Variants in LINGO2 observed in about 807,000 individuals in gnomAD.
The protein encoded by LINGO2 is leucine rich repeat and Ig domain containing 2.
In LINGO2, 14 loss-of-function variants were observed where a neutral mutation model predicts 30.6. The ratio of observed to expected loss-of-function variants is 0.46; its 90% CI spans 0.30 to 0.72. The LOEUF is 0.72. Among genes scored for constraint, LINGO2 ranks in the 30% least tolerant of loss-of-function variants. LINGO2 has a pLI of 0.07. For synonymous variants in LINGO2, 317 were observed against 288.5 expected, an observed-to-expected ratio of 1.10 and a Z score of -1.00; for missense variants, 729 against 751.7, an observed-to-expected ratio of 0.97 and a Z score of 0.35.
At chr9:28,463,893 C>T (rs111519930) in intron 2 of LINGO2, among the ~76,000 whole-genome samples, 24 of 152,172 alleles carry the variant, frequency 1.6e-4, no homozygotes, top group African/African-American at 5.8e-4. Context: ...CTCCCTGTCA[C>T]AATAAAGATA....
At chr9:28,853,844 G>C in the LINGO2 span, among the ~76,000 whole-genome samples, 11 of 151,790 alleles carry the variant, frequency 7.2e-5, no homozygotes, top group African/African-American at 2.4e-4. Context: ...GGATTATGGG[G>C]ATTATAATTC....
intron 4 of LINGO2, among the ~76,000 whole-genome samples, chr9:28,163,252 A>G (rs957737804): frequency 6.6e-6 from 1 of 152,128 alleles, no homozygotes; most frequent in African/African-American, 2.4e-5. Flanking sequence ...GCATTGAAAG[A>G]AGGTATCAAT....
At chr9:29,176,562 A>C in the LINGO2 span, among the ~76,000 whole-genome samples, 2 of 152,328 alleles carry the variant, frequency 1.3e-5, no homozygotes, top group East Asian at 3.9e-4. Context: ...TATTATGCAA[A>C]CTGTGCTTAA....
intron 5 of LINGO2, among the ~76,000 whole-genome samples, chr9:27,956,547 T>C (rs1819578891): frequency 6.6e-6 from 1 of 152,210 alleles, no homozygotes; most frequent in Non-Finnish European, 1.5e-5. Context: ...AGTTTTAAAA[T>C]TTAAATCCAT....
chr9:28,515,567 C>T (rs1039082559), intron 1 of LINGO2, among the ~76,000 whole-genome samples: 9 of 152,062 alleles, frequency 5.9e-5, no homozygotes, highest in East Asian at 3.9e-4. Context: ...TAACTGCAGA[C>T]GTAGTGGAAA....
At chr9:28,040,561 A>G (rs1392340029) in intron 4 of LINGO2, among the ~76,000 whole-genome samples, 2 of 150,614 alleles carry the variant, frequency 1.3e-5, no homozygotes, top group Non-Finnish European at 2.9e-5. Flanking sequence ...ATGTCATAAT[A>G]GAGATTTATA....
rs148126319 is a variant in LINGO2, at chr9:28,010,705, C to T, written c.-36+1650G>A. Among the ~76,000 whole-genome samples, 115 of 152,318 alleles carry T rather than the reference C, an allele frequency of 7.5e-4. No individual in the cohort carries two copies. In the East Asian group the frequency reaches 0.015, roughly 20 times the overall value. ...GGCTGGCTTACGCCTATAATCTCAG[C>T]ACTTTGGGAGGCAGAGATGGGAGGA... On this transcript the variant is annotated intron_variant, in intron 5 of 5. Transcript: ENST00000379992.
At chr9:29,100,973 G>GA in the LINGO2 span, among the ~76,000 whole-genome samples, 1 of 152,152 alleles carries the variant, frequency 6.6e-6, no homozygotes, top group African/African-American at 2.4e-5. Flanking sequence ...GTACTAAGGT[G>GA]GTAGCAGTAG....
intron 1 of LINGO2, among the ~76,000 whole-genome samples, chr9:28,483,464 T>G (rs1826053716): frequency 6.6e-6 from 1 of 151,840 alleles, no homozygotes; most frequent in Non-Finnish European, 1.5e-5. Flanking sequence ...TCTAATAAAA[T>G]GAGTTCCATC....
At chr9:28,188,388 A>G (rs753186812) in intron 4 of LINGO2, among the ~76,000 whole-genome samples, 71 of 152,262 alleles carry the variant, frequency 4.7e-4, no homozygotes, top group Admixed American at 3.3e-4. Context: ...ATTTATAAAT[A>G]GCTCCTATTT....
intron 4 of LINGO2, among the ~76,000 whole-genome samples, chr9:28,064,825 G>A (rs1049738474): frequency 6.6e-6 from 1 of 151,976 alleles, no homozygotes; most frequent in Non-Finnish European, 1.5e-5. Context: ...TGGCATGTTG[G>A]GGAAATGATT....
intron 2 of LINGO2, among the ~76,000 whole-genome samples, chr9:28,392,938 T>C (rs1182451779): frequency 1.3e-5 from 2 of 152,164 alleles, no homozygotes; most frequent in African/African-American, 4.8e-5. Context: ...TGTAACACTA[T>C]CCCCAAGGGT....
chr9:28,391,880 C>T (rs768450770), intron 2 of LINGO2, among the ~76,000 whole-genome samples: 7 of 152,252 alleles, frequency 4.6e-5, no homozygotes, highest in Non-Finnish European at 8.8e-5. Context: ...TAAGAAAACC[C>T]TATTTTATGC....
At chr9:28,912,541 A>G in the LINGO2 span, among the ~76,000 whole-genome samples, 3 of 152,134 alleles carry the variant, frequency 2.0e-5, no homozygotes, top group African/African-American at 7.2e-5. Flanking sequence ...AGTTGCCCAT[A>G]GGAGAAACAG....
chr9:28,042,862 G>T (rs759473243), intron 4 of LINGO2, among the ~76,000 whole-genome samples: 6 of 152,192 alleles, frequency 3.9e-5, no homozygotes, highest in Non-Finnish European at 7.4e-5. Flanking sequence ...TATCGAGAGT[G>T]AAAGTTATTA....
At chr9:28,995,705 T>C in the LINGO2 span, among the ~76,000 whole-genome samples, 2 of 152,024 alleles carry the variant, frequency 1.3e-5, no homozygotes, top group African/African-American at 4.8e-5. Context: ...AAATGATGAG[T>C]TCATGTCCTT....
intron 2 of LINGO2, among the ~76,000 whole-genome samples, chr9:28,429,310 A>G (rs566800538): frequency 6.6e-6 from 1 of 152,316 alleles, no homozygotes; most frequent in East Asian, 1.9e-4. Context: ...GAGTTTTAAA[A>G]TTTTAGATTA....
At chr9:29,109,037 T>C in the LINGO2 span, among the ~76,000 whole-genome samples, 1 of 152,298 alleles carries the variant, frequency 6.6e-6, no homozygotes, top group African/African-American at 2.4e-5. Flanking sequence ...TCAATCTCAT[T>C]TTTGATATAA....
chr9:27,971,236 T>C (rs555863105), intron 5 of LINGO2, among the ~76,000 whole-genome samples: 1 of 152,030 alleles, frequency 6.6e-6, no homozygotes, highest in African/African-American at 2.4e-5. Context: ...CCTTACTGTT[T>C]CCATCTTTCC....
Sources: gnomAD v4.1 joint callset for allele counts (sites outside exome capture counted in the v4.1 genomes callset) on GRCh38, gnomAD v4.1.1 for gene constraint, MANE v1.5 for transcripts, NCBI Gene and HGNC (gene_info 2026-07-23, HGNC 2026-07-21) for gene names.